The following OR2T1 variants were observed in gnomAD, a reference collection of about 807,000 sequenced individuals.
OR2T1 encodes the protein olfactory receptor family 2 subfamily T member 1.
For synonymous variants in OR2T1, 186 were observed against 145.4 expected, an observed-to-expected ratio of 1.28 and a Z score of -2.01; for missense variants, 440 against 390.2, an observed-to-expected ratio of 1.13 and a Z score of -1.07.
intron 1 of OR2T1, among the ~76,000 whole-genome samples, chr1:248,403,656 AC>A (rs1661476502): frequency 6.6e-6 from 1 of 152,174 alleles, no homozygotes; most frequent in South Asian, 2.1e-4. Flanking sequence ...TTTTATGTGT[AC>A]TAAACCATAG....
intron 1 of OR2T1, among the ~76,000 whole-genome samples, chr1:248,404,437 C>A (rs1377350131): frequency 3.3e-5 from 5 of 150,798 alleles, no homozygotes; most frequent in Admixed American, 3.3e-4. Context: ...ATTAATGAAA[C>A]CTAAAAAAAG....
chr1:248,406,313 A>G lies in OR2T1; in HGVS notation c.166A>G (p.Thr56Ala). Residue 56 changes from threonine to alanine, a missense_variant, in exon 2 of 2, where the codon ACA (threonine) becomes GCA (alanine). By Grantham distance (58) the Thr-to-Ala change is moderately conservative (BLOSUM62 0). Transcript: ENST00000642005. ...GATCCAAACAGATTTGCGCCTTCATACACCCATGTACTTCCTCCTCAGCCA... is the reference window on the plus strand; with the variant it reads ...GATCCAAACAGATTTGCGCCTTCATGCACCCATGTACTTCCTCCTCAGCCA... ...FLIQTDLRLH[T>A]PMYFLLSHLS... The G allele has an allele frequency of 6.2e-7, 1 of 1,614,126 alleles. No homozygotes were observed. The highest frequency in any genetic ancestry group is 8.5e-7 in the Non-Finnish European group (1 of 1,180,000).
chr1:248,405,474 A>G (rs1333775710), intron 1 of OR2T1, among the ~76,000 whole-genome samples: 2 of 152,180 alleles, frequency 1.3e-5, no homozygotes, highest in Non-Finnish European at 2.9e-5. Flanking sequence ...ATAAAATTCT[A>G]CAACACTGAA....
Position 248,407,256 on chromosome 1 carries a change from A to T in OR2T1, c.*152A>T. On this transcript the variant is annotated 3_prime_UTR_variant, in exon 2 of 2. Coordinates refer to ENST00000642005, the MANE Select transcript of OR2T1 (RefSeq NM_030904.2). ...GTTTCTGGTTCATAACTCCATAGTT[A>T]TGATGTTGTGGTTTTTTAGGCCTCA... The T allele has an allele frequency of 1.5e-6, 1 of 651,014 alleles. No homozygotes were observed. The highest frequency in any genetic ancestry group is 2.4e-6 in the Non-Finnish European group (1 of 410,770). 40.3% of individuals were successfully genotyped at this position (651,014 alleles called of 1,614,324 possible).
chr1:248,406,746 T>C lies in OR2T1; in HGVS notation c.599T>C (p.Val200Ala). The change falls in exon 2 of 2, where the codon GTG becomes GCG. Residue 200 changes from valine to alanine, a missense_variant. Val to Ala is a moderately conservative substitution (Grantham distance 64). Transcript: ENST00000642005. ...DTALYETVMY[V>A]CCVLMLLIPF... ...GCCCTCTACGAGACAGTGATGTATG[T>C]GTGCTGTGTTTTGATGCTGCTGATT... 6 of 1,614,156 alleles carry C rather than the reference T, an allele frequency of 3.7e-6. No individual in the cohort carries two copies. Among genetic ancestry groups the C allele is most frequent in the Non-Finnish European group, 4.2e-6 (5 of 1,180,018 alleles).
At position 248,406,274 on chromosome 1, in the gene OR2T1, G is replaced by T; in HGVS notation, c.127G>T (p.Val43Phe). 2 of 1,614,100 alleles carry T rather than the reference G, an allele frequency of 1.2e-6. No homozygotes were observed. The highest frequency in any genetic ancestry group is 1.7e-6 in the Non-Finnish European group (2 of 1,179,998). Reference protein sequence around the residue: ...IFFTALMANGVMIFLIQTDLR... With the variant: ...IFFTALMANGFMIFLIQTDLR... ...CTTCACCGCACTGATGGCCAATGGG[G>T]TTATGATCTTCCTGATCCAAACAGA... The change falls in exon 2 of 2, where the codon GTT becomes TTT. Residue 43 changes from valine (V) to phenylalanine (F), a missense_variant. Transcript: ENST00000642005.
At position 248,407,118 on chromosome 1, in the gene OR2T1, C is replaced by A; in HGVS notation, c.*14C>A. 1 of 1,551,884 alleles carries A rather than the reference C, an allele frequency of 6.4e-7. No homozygotes were observed. The highest frequency in any genetic ancestry group is 1.3e-5 in the South Asian group (1 of 79,560). ...GGTGTCTTTTGACAGTCGACTCCTT[C>A]CCATGCATATGGTAAATGGGGGACT... On this transcript the variant is annotated 3_prime_UTR_variant, in exon 2 of 2. Transcript: ENST00000642005.
rs76262289 is a variant in OR2T1 at position 248,404,246 on chromosome 1, A to T, written c.-34+1001A>T. 4.3e-4 allele frequency among the ~76,000 whole-genome samples: 2 copies of T among 4,658 alleles called. 1 individual carries two copies. The highest frequency in any genetic ancestry group is 1.4e-3 in the African/African-American group (2 of 1,434). The allele number at this position is 4,658 out of a possible 152,430, so 3.1% of individuals were successfully genotyped here. The stretch of plus-strand genomic sequence containing the variant: ...GAGTAAGGGTGAACAGACAGCAGAG[A>T]CCACTGTTTGACTTTGTGAAGCAGC... On this transcript the variant is annotated intron_variant, in intron 1 of 1. Coordinates refer to ENST00000642005, the MANE Select transcript of OR2T1 (RefSeq NM_030904.2).
At chr1:248,403,351 A>G (rs138726417) in intron 1 of OR2T1, 106 bp downstream of exon 1, 52 of 152,268 alleles carry the variant, frequency 3.4e-4, no homozygotes, top group African/African-American at 1.2e-3. Flanking sequence ...TAATTTGCAG[A>G]TATCTTACAT....
rs919807139 is a variant in OR2T1, at chr1:248,403,252, G to A, written c.-34+7G>A. 3 of 152,098 alleles carry A rather than the reference G, an allele frequency of 2.0e-5. No individual in the cohort carries two copies. Among genetic ancestry groups the A allele is most frequent in the African/African-American group, 7.2e-5 (3 of 41,426 alleles). The allele number at this position is 152,098 out of a possible 1,614,324, so 9.4% of individuals were successfully genotyped here. A position where few individuals can be genotyped will look rare whatever the true frequency, so the allele number is the denominator to read the frequency against. On this transcript the variant is annotated splice_region_variant and intron_variant, in intron 1 of 1. Coordinates refer to ENST00000642005, the MANE Select transcript of OR2T1 (RefSeq NM_030904.2). ...CTTTTCTGAAGATCAGGAGGTATTTGCAATTTAAATTCATAGATTTTAGTT... is the reference window on the plus strand; with the variant it reads ...CTTTTCTGAAGATCAGGAGGTATTTACAATTTAAATTCATAGATTTTAGTT...
Position 248,407,257 on chromosome 1 carries a change from T to TGTTAG in OR2T1, c.*154_*155insTTAGG. 1 of 649,930 alleles carries TGTTAG rather than the reference T, an allele frequency of 1.5e-6. No homozygotes were observed. 40.3% of individuals were successfully genotyped at this position (649,930 alleles called of 1,614,324 possible). A position where few individuals can be genotyped will look rare whatever the true frequency, so the allele number is the denominator to read the frequency against. The stretch of plus-strand genomic sequence containing the variant: ...TTTCTGGTTCATAACTCCATAGTTA[T>TGTTAG]GATGTTGTGGTTTTTTAGGCCTCAG... On this transcript the variant is annotated 3_prime_UTR_variant, in exon 2 of 2. Transcript: ENST00000642005.
Position 248,406,677 on chromosome 1 carries a change from T to A in OR2T1, c.530T>A (p.Phe177Tyr). 6.2e-7 allele frequency: 1 copy of A among 1,614,080 alleles called. No individual in the cohort carries two copies. Among genetic ancestry groups the A allele is most frequent in the South Asian group, 1.1e-5 (1 of 91,080 alleles). The stretch of plus-strand genomic sequence containing the variant: ...AATTCCCGGGAGATTAACCACTTCT[T>A]CTGTGAGGCACCAGCAGTCCTGAAG... Reference protein sequence around the residue: ...FCNSREINHFFCEAPAVLKLA... With the variant: ...FCNSREINHFYCEAPAVLKLA... Residue 177 changes from phenylalanine to tyrosine, a missense_variant, in exon 2 of 2, where the codon TTC becomes TAC. Coordinates refer to ENST00000642005, the MANE Select transcript of OR2T1 (RefSeq NM_030904.2).
In OR2T1 at chr1:248,406,959, A is replaced by G; in HGVS notation, c.812A>G (p.Lys271Arg). ...PHSYHKPAQDKVLSVFYTILT... is the reference protein window; with the variant it reads ...PHSYHKPAQDRVLSVFYTILT... ...TCTTACCACAAGCCAGCCCAGGACA[A>G]AGTCCTCTCTGTGTTTTACACCATT... The change falls in exon 2 of 2, where the codon AAA becomes AGA. Residue 271 changes from lysine to arginine, a missense_variant. Coordinates refer to ENST00000642005, the MANE Select transcript of OR2T1 (RefSeq NM_030904.2). 1 of 1,614,144 alleles carries G rather than the reference A, an allele frequency of 6.2e-7. No homozygotes were observed. Among genetic ancestry groups the G allele is most frequent in the Non-Finnish European group, 8.5e-7 (1 of 1,179,994 alleles).
Position 248,406,693 on chromosome 1 carries a change from A to G in OR2T1, c.546A>G (p.Ala182=), listed in dbSNP as rs1661567926. 6.2e-7 allele frequency: 1 copy of G among 1,614,146 alleles called. No individual in the cohort carries two copies. The highest frequency in any genetic ancestry group is 8.5e-7 in the Non-Finnish European group (1 of 1,180,000). The change falls in exon 2 of 2, where the codon GCA becomes GCG. Residue 182 remains alanine (A), a synonymous_variant. Transcript: ENST00000642005. ...EINHFFCEAP[A]VLKLACADTA... ...ACCACTTCTTCTGTGAGGCACCAGC[A>G]GTCCTGAAGTTGGCATGTGCAGACA... is the stretch of plus-strand genomic sequence containing the variant.
In OR2T1 at chr1:248,404,546, T is replaced by TTA. The variant is rs1224274738; in HGVS notation, c.-34+1314_-34+1315dup. 4.4e-3 allele frequency among the ~76,000 whole-genome samples: 596 copies of TTA among 135,166 alleles called. 29 individuals are homozygous for TTA. Among genetic ancestry groups the TTA allele is most frequent in the Admixed American group, 0.011 (136 of 12,328 alleles). 88.7% of individuals were successfully genotyped at this position (135,166 alleles called of 152,430 possible). On this transcript the variant is annotated intron_variant, in intron 1 of 1. Coordinates refer to ENST00000642005, the MANE Select transcript of OR2T1 (RefSeq NM_030904.2). ...ATATTCTGAATTAGCAAAATATACA[T>TTA]TATATATATATATAAAATATACATA...
chr1:248,406,035 T>C (rs1414239651), intron 1 of OR2T1, 80 bp from the exon 2 acceptor site: 2 of 1,612,780 alleles, frequency 1.2e-6, no homozygotes, highest in South Asian at 1.1e-5. Flanking sequence ...TTCTTCCCAC[T>C]TTTAAAAGTT....
At chr1:248,403,507 G>A (rs1440958604) in intron 1 of OR2T1, among the ~76,000 whole-genome samples, 1 of 152,090 alleles carries the variant, frequency 6.6e-6, no homozygotes, top group Non-Finnish European at 1.5e-5. Context: ...CAAGGTCACA[G>A]AATTAATTAA....
chr1:248,407,642 AG>A lies in OR2T1; in HGVS notation c.*541del, dbSNP rs1245224756. 1 of 152,578 alleles carries A rather than the reference AG, an allele frequency of 6.6e-6. No individual in the cohort carries two copies. Among genetic ancestry groups the A allele is most frequent in the Non-Finnish European group, 1.5e-5 (1 of 68,326 alleles). 9.5% of individuals were successfully genotyped at this position (152,578 alleles called of 1,614,324 possible). A position where few individuals can be genotyped will look rare whatever the true frequency, so the allele number is the denominator to read the frequency against. ...GACTATTCAATAAAGTCTCCATATA[AG>A]GGCCAAAAGGAGAGGACAGAAAACT... On this transcript the variant is annotated 3_prime_UTR_variant, in exon 2 of 2. Transcript: ENST00000642005.
rs982246046 is a variant in OR2T1 at position 248,407,096 on chromosome 1, G to A, written c.949G>A (p.Val317Ile). Reference sequence around the variant, plus strand: ...GGGTCCTCAAAGGGTGTCAGGAGGTGTCTTTTGACAGTCGACTCCTTCCCA... The same window carrying A: ...GGGTCCTCAAAGGGTGTCAGGAGGTATCTTTTGACAGTCGACTCCTTCCCA... ...FKGPQRVSGG[V>I]F Residue 317 changes from valine (V) to isoleucine (I), a missense_variant, in exon 2 of 2, where the codon GTC (valine) becomes ATC (isoleucine). Val to Ile is a conservative substitution (Grantham distance 29). Transcript: ENST00000642005. The A allele has an allele frequency of 6.3e-7, 1 of 1,581,132 alleles. No individual in the cohort carries two copies. Among genetic ancestry groups the A allele is most frequent in the Non-Finnish European group, 8.6e-7 (1 of 1,164,890 alleles).
Sources: allele counts gnomAD v4.1 joint callset (sites outside exome capture counted in the v4.1 genomes callset), GRCh38; gene constraint gnomAD v4.1.1; transcripts MANE v1.5; gene names NCBI Gene and HGNC (gene_info 2026-07-23, HGNC 2026-07-21).